TOMM70: variants seen among roughly 807,000 people sequenced by gnomAD.
TOMM70 encodes translocase of outer mitochondrial membrane 70.
TOMM70 carries 13 observed loss-of-function variants against 73.6 expected under a neutral mutation model. The ratio of observed to expected loss-of-function variants is 0.18; its 90% CI spans 0.11 to 0.28. The LOEUF (loss-of-function observed/expected upper bound fraction) is 0.28. Among genes scored for constraint, TOMM70 ranks in the 10% least tolerant of loss-of-function variants. The pLI, the probability that TOMM70 is intolerant of heterozygous loss-of-function variation, is 1.00. For synonymous variants in TOMM70, 257 were observed against 271.2 expected (o/e 0.95, Z 0.51); for missense variants, 609 against 747.5 (o/e 0.81, Z 2.16).
intron 11 of TOMM70, among the ~76,000 whole-genome samples, chr3:100,367,217 AAAG>A: frequency 6.6e-6 from 1 of 152,324 alleles, no homozygotes; most frequent in East Asian, 1.9e-4. Context: ...TGTCTCATAA[AAAG>A]AAGAAAAAAA....
rs1039795054 is a variant in TOMM70 at position 100,365,800 on chromosome 3, G to A, written c.1674-83C>T. On this transcript the variant is annotated intron_variant, in intron 11 of 11. Transcript: ENST00000284320. ...AAGGTTGTAAGTGATGGTACATGAAGTCTGACCACTAAGTTTCTTCACAAT... is the reference window on the plus strand; with the variant it reads ...AAGGTTGTAAGTGATGGTACATGAAATCTGACCACTAAGTTTCTTCACAAT... The A allele has an allele frequency of 1.8e-5, 27 of 1,477,314 alleles. 1 individual carries two copies. The highest frequency in any genetic ancestry group is 1.7e-4 in the South Asian group (14 of 82,830). 91.5% of individuals were successfully genotyped at this position (1,477,314 alleles called of 1,614,324 possible). A position where few individuals can be genotyped will look rare whatever the true frequency, so the allele number is the denominator to read the frequency against.
chr3:100,393,409 C>T (rs1222791446), intron 1 of TOMM70, among the ~76,000 whole-genome samples: 1 of 152,000 alleles, frequency 6.6e-6, no homozygotes, highest in African/African-American at 2.4e-5. Flanking sequence ...TACACAAAAG[C>T]ATACAGAGTG....
At chr3:100,397,802 T>A (rs1247958861) in intron 1 of TOMM70, among the ~76,000 whole-genome samples, 1 of 151,300 alleles carries the variant, frequency 6.6e-6, no homozygotes, top group African/African-American at 2.4e-5. Flanking sequence ...GGCAGGACAA[T>A]CTCTTGAGCC....
At chr3:100,396,910 T>G (rs751434351) in intron 1 of TOMM70, among the ~76,000 whole-genome samples, 1 of 152,198 alleles carries the variant, frequency 6.6e-6, no homozygotes, top group Non-Finnish European at 1.5e-5. Context: ...GCACACTAAT[T>G]GTAAAGGAAA....
At chr3:100,366,216 A>G (rs1386897589) in intron 11 of TOMM70, among the ~76,000 whole-genome samples, 1 of 152,156 alleles carries the variant, frequency 6.6e-6, no homozygotes, top group Non-Finnish European at 1.5e-5. Flanking sequence ...TTACCAGCAC[A>G]TCCCCAACCC....
chr3:100,401,078 A>G lies in TOMM70; in HGVS notation c.-129T>C. On this transcript the variant is annotated 5_prime_UTR_variant, in exon 1 of 12. Coordinates refer to ENST00000284320, the MANE Select transcript of TOMM70 (RefSeq NM_014820.5). ...CGAGCACGCTAGGCAGAGAGAGCGGACGACAGAAAAGGGCCAGAGGTCACC... is the reference window on the plus strand; with the variant it reads ...CGAGCACGCTAGGCAGAGAGAGCGGGCGACAGAAAAGGGCCAGAGGTCACC... 1.9e-6 allele frequency: 2 copies of G among 1,072,718 alleles called. No individual in the cohort carries two copies. Among genetic ancestry groups the G allele is most frequent in the Non-Finnish European group, 2.7e-6 (2 of 745,030 alleles). The allele number at this position is 1,072,718 out of a possible 1,614,324, so 66.4% of individuals were successfully genotyped here. A position where few individuals can be genotyped will look rare whatever the true frequency, so the allele number is the denominator to read the frequency against.
chr3:100,367,355 A>C (rs1706456565), intron 11 of TOMM70, among the ~76,000 whole-genome samples: 2 of 152,182 alleles, frequency 1.3e-5, no homozygotes, highest in African/African-American at 4.8e-5. Flanking sequence ...GGGCTGAATG[A>C]TAGGGAATTA....
chr3:100,376,058 T>TAA (rs987544739), intron 6 of TOMM70, among the ~76,000 whole-genome samples: 2 of 152,222 alleles, frequency 1.3e-5, no homozygotes, highest in African/African-American at 4.8e-5. Flanking sequence ...TATTAGAGCC[T>TAA]TATTGTCTTT....
chr3:100,370,554 G>A (rs1269731497), intron 9 of TOMM70, among the ~76,000 whole-genome samples: 1 of 152,186 alleles, frequency 6.6e-6, no homozygotes, highest in African/African-American at 2.4e-5. Context: ...GCACAGTTCT[G>A]TGGATATCAG....
Position 100,365,613 on chromosome 3 carries a change from G to C in TOMM70, c.1778C>G (p.Ala593Gly). 1 of 1,614,194 alleles carries C rather than the reference G, an allele frequency of 6.2e-7. No individual in the cohort carries two copies. Among genetic ancestry groups the C allele is most frequent in the Non-Finnish European group, 8.5e-7 (1 of 1,180,020 alleles). ...GTATTTCTTTGCAACTTCTGTCTGG[G>C]CATGGGCGGCATCGCAAAGTGAATA... ...HLYSLCDAAHAQTEVAKKYGL... is the reference protein window; with the variant it reads ...HLYSLCDAAHGQTEVAKKYGL... Residue 593 changes from alanine to glycine, a missense_variant, in exon 12 of 12, where the codon GCC becomes GGC. Ala to Gly is a moderately conservative substitution (Grantham distance 60, BLOSUM62 0). Coordinates refer to ENST00000284320, the MANE Select transcript of TOMM70 (RefSeq NM_014820.5).
chr3:100,369,356 G>T (rs1437650270), intron 9 of TOMM70, among the ~76,000 whole-genome samples: 1 of 152,050 alleles, frequency 6.6e-6, no homozygotes, highest in Non-Finnish European at 1.5e-5. Context: ...TCAGCAAGTG[G>T]TTAGTTATAT....
At chr3:100,392,736 C>T (rs1445444226) in intron 1 of TOMM70, among the ~76,000 whole-genome samples, 1 of 151,918 alleles carries the variant, frequency 6.6e-6, no homozygotes, top group Admixed American at 6.6e-5. Context: ...TCTTAAAGAA[C>T]TAGAATAGAC....
In TOMM70 at chr3:100,364,037, A is replaced by G. The variant is rs1706421836; in HGVS notation, c.*1527T>C. 6.6e-6 allele frequency: 1 copy of G among 152,200 alleles called. No individual in the cohort carries two copies. The highest frequency in any genetic ancestry group is 2.4e-5 in the African/African-American group (1 of 41,450). 9.4% of individuals were successfully genotyped at this position (152,200 alleles called of 1,614,324 possible). A position where few individuals can be genotyped will look rare whatever the true frequency, so the allele number is the denominator to read the frequency against. ...CCCAACAGTGTAAACCATAATTATA[A>G]TTCGTTCTTAAATAAACCTCTCCCC... On this transcript the variant is annotated 3_prime_UTR_variant, in exon 12 of 12. Coordinates refer to ENST00000284320, the MANE Select transcript of TOMM70 (RefSeq NM_014820.5).
chr3:100,369,215 A>C (rs1576209653), intron 9 of TOMM70, 80 bp from the exon 10 acceptor site: 1 of 961,952 alleles, frequency 1.0e-6, no homozygotes, highest in East Asian at 2.7e-5. Context: ...TTCATTATAA[A>C]AATTTACTTC....
intron 8 of TOMM70, 48 bp from the exon 9 acceptor site, chr3:100,372,770 A>G: frequency 6.9e-7 from 1 of 1,442,484 alleles, no homozygotes; most frequent in Non-Finnish European, 9.6e-7. Context: ...TCAAAAACTC[A>G]TGGAATGTTA....
At position 100,400,706 on chromosome 3, in the gene TOMM70, C is replaced by T; in HGVS notation, c.244G>A (p.Glu82Lys). ...GDASGLKRNS[E>K]RKTPEGRASP... is the part of the protein sequence containing the mutation. ...GCCCTGCCCTCCGGGGTCTTCCGTT[C>T]GCTGTTGCGCTTCAGGCCGCTGGCG... The change falls in exon 1 of 12, where the codon GAA becomes AAA. Residue 82 changes from glutamate to lysine, a missense_variant. Glu to Lys is a moderately conservative substitution (Grantham distance 56). Transcript: ENST00000284320. The T allele has an allele frequency of 6.2e-7, 1 of 1,611,100 alleles. No homozygotes were observed.
Position 100,364,949 on chromosome 3 carries a change from C to T in TOMM70, c.*615G>A, listed in dbSNP as rs1337868065. On this transcript the variant is annotated 3_prime_UTR_variant, in exon 12 of 12. Coordinates refer to ENST00000284320, the MANE Select transcript of TOMM70 (RefSeq NM_014820.5). ...TGTTGTGGACTTTAAGAAGAATGTA[C>T]ACTATCCATTAGAGTGGAAAGGGGC... is the stretch of plus-strand genomic sequence containing the variant. 3.9e-5 allele frequency: 6 copies of T among 152,188 alleles called. No homozygotes were observed. The highest frequency in any genetic ancestry group is 9.7e-5 in the African/African-American group (4 of 41,422). 9.4% of individuals were successfully genotyped at this position (152,188 alleles called of 1,614,324 possible).
intron 1 of TOMM70, among the ~76,000 whole-genome samples, chr3:100,394,968 T>C (rs1481434191): frequency 6.6e-6 from 1 of 152,236 alleles, no homozygotes; most frequent in Non-Finnish European, 1.5e-5. Context: ...TAAATCATAA[T>C]AACTCTTTAC....
chr3:100,398,711 C>A (rs181578869), intron 1 of TOMM70, among the ~76,000 whole-genome samples: 1 of 152,270 alleles, frequency 6.6e-6, no homozygotes, highest in East Asian at 1.9e-4. Context: ...TCTTATTCTA[C>A]AGGGATGACG....
Sources: gnomAD v4.1 joint callset for allele counts (sites outside exome capture counted in the v4.1 genomes callset) on GRCh38, gnomAD v4.1.1 for gene constraint, MANE v1.5 for transcripts, NCBI Gene and HGNC (gene_info 2026-07-23, HGNC 2026-07-21) for gene names.